IKZF2: variants seen among roughly 807,000 people sequenced by gnomAD.
The protein encoded by IKZF2 is zinc finger protein Helios.
Under a neutral mutation model 49.2 loss-of-function variants are expected in IKZF2, and 15 were observed. That is an observed-to-expected ratio of 0.30 (90% CI 0.20 to 0.47). The LOEUF (loss-of-function observed/expected upper bound fraction) is 0.47. IKZF2 is among the 20% of genes least tolerant of loss of function. The pLI, the probability that IKZF2 is intolerant of heterozygous loss-of-function variation, is 1.00. For missense variants in IKZF2, 567 were observed against 664.6 expected (o/e 0.85, Z 1.61); for synonymous variants, 227 against 221.4 (o/e 1.03, Z -0.23).
At chr2:213,029,949 T>C (rs1244274879) in intron 6 of IKZF2, among the ~76,000 whole-genome samples, 1 of 152,130 alleles carries the variant, frequency 6.6e-6, no homozygotes, top group Non-Finnish European at 1.5e-5. Context: ...AACGAAATAT[T>C]AAACAAAAAA....
intron 4 of IKZF2, among the ~76,000 whole-genome samples, chr2:213,090,580 A>G (rs1450561736): frequency 6.6e-6 from 1 of 152,210 alleles, no homozygotes; most frequent in Non-Finnish European, 1.5e-5. Context: ...CCAATTTAAA[A>G]ACTAAGTTTC....
chr2:213,083,384 C>CTTTTT (rs753296985), intron 4 of IKZF2, among the ~76,000 whole-genome samples: 978 of 80,158 alleles, frequency 0.012, 87 homozygotes, highest in African/African-American at 0.049. Context: ...GACGGCGAAC[C>CTTTTT]TTTTTTTTTT....
intron 7 of IKZF2, among the ~76,000 whole-genome samples, chr2:213,017,999 A>T (rs547836375): frequency 9.8e-4 from 149 of 152,272 alleles, no homozygotes; most frequent in African/African-American, 3.4e-3. Context: ...GTGCCCAATA[A>T]TGCCTCTATA....
intron 6 of IKZF2, among the ~76,000 whole-genome samples, chr2:213,042,700 T>C (rs961892758): frequency 9.9e-5 from 15 of 151,940 alleles, no homozygotes; most frequent in African/African-American, 3.6e-4. Context: ...TGAATAGAAG[T>C]CTGACTGCTT....
chr2:213,137,189 G>A (rs2060708261), intron 4 of IKZF2, among the ~76,000 whole-genome samples: 1 of 151,934 alleles, frequency 6.6e-6, no homozygotes, highest in Non-Finnish European at 1.5e-5. Flanking sequence ...TCATAATTCA[G>A]ACAGATGGCA....
intron 6 of IKZF2, among the ~76,000 whole-genome samples, chr2:213,025,565 T>C (rs1171140703): frequency 6.6e-6 from 1 of 152,142 alleles, no homozygotes; most frequent in Admixed American, 6.6e-5. Flanking sequence ...AGAGATCTTG[T>C]TTTACTCAAT....
chr2:213,104,277 GAAAA>G (rs888460653), intron 4 of IKZF2, among the ~76,000 whole-genome samples: 1 of 144,652 alleles, frequency 6.9e-6, no homozygotes, highest in Non-Finnish European at 1.5e-5. Flanking sequence ...AAAAAAAAAA[GAAAA>G]AGAAAAAGTT....
At chr2:213,011,831 A>G (rs902829841) in intron 8 of IKZF2, among the ~76,000 whole-genome samples, 8 of 152,090 alleles carry the variant, frequency 5.3e-5, no homozygotes, top group African/African-American at 1.7e-4. Context: ...CTAGTGAGAT[A>G]TAAGTATGGA....
At chr2:213,080,795 C>T (rs1244526171) in intron 4 of IKZF2, among the ~76,000 whole-genome samples, 2 of 151,990 alleles carry the variant, frequency 1.3e-5, no homozygotes, top group Non-Finnish European at 2.9e-5. Flanking sequence ...ACTCAAAATC[C>T]TAACTAATTC....
chr2:213,009,378 A>G (rs751341007), intron 8 of IKZF2, among the ~76,000 whole-genome samples: 1 of 152,112 alleles, frequency 6.6e-6, no homozygotes, highest in Non-Finnish European at 1.5e-5. Flanking sequence ...TGTGGTCTCT[A>G]TTTACCAGTT....
At chr2:213,117,349 C>T (rs528796274) in intron 4 of IKZF2, among the ~76,000 whole-genome samples, 5 of 152,326 alleles carry the variant, frequency 3.3e-5, no homozygotes, top group African/African-American at 1.2e-4. Flanking sequence ...ATTCTCCCAA[C>T]AGCCTTATGA....
chr2:213,102,047 G>A (rs1301533185), intron 4 of IKZF2, among the ~76,000 whole-genome samples: 1 of 152,156 alleles, frequency 6.6e-6, no homozygotes, highest in Non-Finnish European at 1.5e-5. Flanking sequence ...GCAGGCTGTA[G>A]ACCTAAATCT....
chr2:213,076,972 T>A (rs1703343343), intron 4 of IKZF2, among the ~76,000 whole-genome samples: 1 of 152,190 alleles, frequency 6.6e-6, no homozygotes, highest in African/African-American at 2.4e-5. Context: ...ACAACTAATA[T>A]ATAAATCATT....
At chr2:213,078,509 A>G (rs923342161) in intron 4 of IKZF2, among the ~76,000 whole-genome samples, 2 of 152,210 alleles carry the variant, frequency 1.3e-5, no homozygotes, top group African/African-American at 4.8e-5. Flanking sequence ...AGTAGGTGCT[A>G]TTATTATCCC....
chr2:213,146,763 G>GGGGGGGGGGGGGA (rs2061084725), intron 4 of IKZF2, among the ~76,000 whole-genome samples: 1 of 133,280 alleles, frequency 7.5e-6, no homozygotes, highest in African/African-American at 2.7e-5. Context: ...AATCTTCGGG[G>GGGGGGGGGGGGGA]GGGGGGAAGG....
chr2:213,082,292 T>C (rs573566828), intron 4 of IKZF2, among the ~76,000 whole-genome samples: 1 of 152,332 alleles, frequency 6.6e-6, no homozygotes, highest in African/African-American at 2.4e-5. Context: ...TGATCCTTAC[T>C]CTCAAGAAGT....
At chr2:213,032,584 C>T (rs10932459) in intron 6 of IKZF2, among the ~76,000 whole-genome samples, 126,208 of 151,966 alleles carry the variant, frequency 0.83, 53,392 homozygotes, top group Non-Finnish European at 0.92. Flanking sequence ...CAATACAAAA[C>T]TAGCAAAATT....
rs554490165 is a variant in IKZF2 at position 213,016,203 on chromosome 2, TC to T, written c.713-2270del. On this transcript the variant is annotated intron_variant, in intron 7 of 8. Coordinates refer to ENST00000434687, the MANE Select transcript of IKZF2 (RefSeq NM_001387220.1). ...TGCATTTAATAATTAATTTAATTCA[TC>T]CAGAAACTCCATGAAATAGGTGTAA... Among the ~76,000 whole-genome samples, 17 of 152,254 alleles carry T rather than the reference TC, an allele frequency of 1.1e-4. No homozygotes were observed. In the South Asian group the frequency reaches 3.5e-3, roughly 32 times the overall value.
At chr2:213,074,291 A>C (rs1703020364) in intron 4 of IKZF2, among the ~76,000 whole-genome samples, 2 of 152,326 alleles carry the variant, frequency 1.3e-5, no homozygotes, top group South Asian at 4.1e-4. Context: ...TGTACATCAC[A>C]AATCTAGATA....
Sources: gnomAD v4.1 joint callset for allele counts (sites outside exome capture counted in the v4.1 genomes callset) on GRCh38, gnomAD v4.1.1 for gene constraint, MANE v1.5 for transcripts, NCBI Gene and HGNC (gene_info 2026-07-23, HGNC 2026-07-21) for gene names.